Variants in SGSM3 observed in about 807,000 individuals in gnomAD.
The protein encoded by SGSM3 is RUN and SH3 containing 3.
Under a neutral mutation model 100.5 loss-of-function variants are expected in SGSM3, and 96 were observed. The observed-to-expected ratio is 0.96, with a 90% CI of 0.81 to 1.13. The LOEUF is 1.13. SGSM3 is among the 50% of genes most tolerant of loss of function. The pLI, the probability that SGSM3 is intolerant of heterozygous loss-of-function variation, is 0.00. For missense variants in SGSM3, 1,001 were observed against 1,015.8 expected, an observed-to-expected ratio of 0.99 and a Z score of 0.20; for synonymous variants, 483 against 422.8, an observed-to-expected ratio of 1.14 and a Z score of -1.75.
At position 40,407,638 on chromosome 22, in the gene SGSM3, C is replaced by T; in HGVS notation, c.1524+70C>T. The T allele has an allele frequency of 6.3e-7, 1 of 1,578,964 alleles. No individual in the cohort carries two copies. The highest frequency in any genetic ancestry group is 8.6e-7 in the Non-Finnish European group (1 of 1,162,860). Reference sequence around the variant, plus strand: ...TTCCCCAGACTCCCTCCACCAAGCCCCACCCCAACCCCTTTCCCTGCCAAG... The same window carrying T: ...TTCCCCAGACTCCCTCCACCAAGCCTCACCCCAACCCCTTTCCCTGCCAAG... On this transcript the variant is annotated intron_variant, in intron 13 of 21. Transcript: ENST00000248929. The surrounding 1 kb of genome is among the most constrained non-coding windows in gnomAD (Gnocchi z 4.7).
At chr22:40,397,770 C>A (rs1433045718) in intron 1 of SGSM3, among the ~76,000 whole-genome samples, 1 of 152,188 alleles carries the variant, frequency 6.6e-6, no homozygotes, top group Non-Finnish European at 1.5e-5. Flanking sequence ...CCTGGATCTC[C>A]TTTCCCTCAG....
At chr22:40,405,325 C>A in intron 7 of SGSM3, 41 bp downstream of exon 7, 3 of 1,440,158 alleles carry the variant, frequency 2.1e-6, no homozygotes, top group Admixed American at 2.6e-5. Flanking sequence ...GCCCCAGGAC[C>A]CCCTCCAGGA....
At chr22:40,386,114 A>G (rs1479828972) in intron 1 of SGSM3, among the ~76,000 whole-genome samples, 1 of 151,704 alleles carries the variant, frequency 6.6e-6, no homozygotes, top group Non-Finnish European at 1.5e-5. Context: ...TCCTGCACTC[A>G]AGCAATCCAT....
chr22:40,398,103 G>A (rs1353062331), intron 1 of SGSM3, among the ~76,000 whole-genome samples: 3 of 151,802 alleles, frequency 2.0e-5, no homozygotes. Flanking sequence ...GAGTAGCTGG[G>A]ACTACAGGCA....
Position 40,408,789 on chromosome 22 carries a change from C to CT in SGSM3, c.1854-4dup. ...GGCACCCCAGGAGCTTTGGTGTCCC[C>CT]TCAGGTTGGATGAAGATGGCAAAGT... is the stretch of plus-strand genomic sequence containing the variant. On this transcript the variant is annotated splice_region_variant and splice_polypyrimidine_tract_variant and intron_variant, in intron 17 of 21. Transcript: ENST00000248929. 6.2e-7 allele frequency: 1 copy of CT among 1,613,804 alleles called. No homozygotes were observed. The highest frequency in any genetic ancestry group is 1.1e-5 in the South Asian group (1 of 91,088).
intron 1 of SGSM3, among the ~76,000 whole-genome samples, chr22:40,399,635 A>G (rs953359217): frequency 2.0e-5 from 3 of 152,246 alleles, no homozygotes; most frequent in African/African-American, 7.2e-5. Context: ...AGTCTCTTTA[A>G]TGTAAAAATA....
chr22:40,392,494 A>G (rs2049491649), intron 1 of SGSM3, among the ~76,000 whole-genome samples: 1 of 152,128 alleles, frequency 6.6e-6, no homozygotes, highest in South Asian at 2.1e-4. Context: ...ATAAGCATTA[A>G]ATCTCAGCAG....
At chr22:40,379,700 G>A (rs141921755) in intron 1 of SGSM3, among the ~76,000 whole-genome samples, 1 of 152,082 alleles carries the variant, frequency 6.6e-6, no homozygotes, top group African/African-American at 2.4e-5. Flanking sequence ...AACTTTGGTA[G>A]TATTTGTGGT....
At chr22:40,400,906 T>A in intron 2 of SGSM3, 93 bp downstream of exon 2, 1 of 1,260,422 alleles carries the variant, frequency 7.9e-7, no homozygotes, top group African/African-American at 1.5e-5. Flanking sequence ...TAAAACACCA[T>A]CCAGATAAGA....
At chr22:40,388,889 C>T (rs563012054) in intron 1 of SGSM3, among the ~76,000 whole-genome samples, 2 of 152,232 alleles carry the variant, frequency 1.3e-5, no homozygotes, top group African/African-American at 4.8e-5. Context: ...GCAACGGGAC[C>T]ACTGAAGGGG....
chr22:40,407,521 C>A lies in SGSM3; in HGVS notation c.1477C>A (p.Arg493=), dbSNP rs756008468. The change falls in exon 13 of 22, where the codon CGG becomes AGG. Residue 493 remains arginine, a synonymous_variant. Transcript: ENST00000248929. This position sits in a 1 kb window ranked among gnomAD's most constrained non-coding sequence, Gnocchi z 4.7. ...RRAKALLDFE[R]HDDDELGFRK... is the part of the protein sequence containing the mutation. ...AGCCAAGGCCCTGCTGGACTTTGAG[C>A]GGCACGACGACGACGAGCTGGGCTT... 6.2e-6 allele frequency: 10 copies of A among 1,608,404 alleles called. No homozygotes were observed. In the South Asian group the frequency reaches 9.9e-5, roughly 16 times the overall value.
intron 1 of SGSM3, chr22:40,376,531 AATTAGTGCT>A (rs2046633948): frequency 6.6e-6 from 1 of 152,158 alleles, no homozygotes; most frequent in South Asian, 2.1e-4. Context: ...AAAATGGAAT[AATTAGTGCT>A]ACTCATAGTA....
At chr22:40,373,669 G>T (rs1326954005) in intron 1 of SGSM3, 1 of 152,260 alleles carries the variant, frequency 6.6e-6, no homozygotes, top group East Asian at 1.9e-4. Flanking sequence ...AGGCTAGAGT[G>T]CAGTGGGGCA....
chr22:40,392,288 T>C (rs954133601), intron 1 of SGSM3, among the ~76,000 whole-genome samples: 2 of 151,930 alleles, frequency 1.3e-5, no homozygotes, highest in African/African-American at 4.8e-5. Context: ...TTAGAGGAAC[T>C]TGAAAAATTA....
At chr22:40,394,430 G>A (rs1048285777) in intron 1 of SGSM3, among the ~76,000 whole-genome samples, 1 of 151,998 alleles carries the variant, frequency 6.6e-6, no homozygotes, top group Admixed American at 6.6e-5. Context: ...GGTGGATCAC[G>A]AGGTCAGGAG....
In SGSM3 at chr22:40,408,924, C is replaced by T. The variant is rs200852755; in HGVS notation, c.1903-9C>T. 755 of 1,613,256 alleles carry T rather than the reference C, an allele frequency of 4.7e-4. 2 individuals are homozygous for T. The highest frequency in any genetic ancestry group is 1.4e-3 in the South Asian group (124 of 91,022). On this transcript the variant is annotated splice_polypyrimidine_tract_variant and intron_variant, in intron 18 of 21. Coordinates refer to ENST00000248929, the MANE Select transcript of SGSM3 (RefSeq NM_015705.6). ...GAGCCTGAGTGACAGCTGACGGTGCCGTTCCCAGGCTGTGCAGTCTGTGAA... is the reference window on the plus strand; with the variant it reads ...GAGCCTGAGTGACAGCTGACGGTGCTGTTCCCAGGCTGTGCAGTCTGTGAA...
chr22:40,396,233 A>C (rs535159307), intron 1 of SGSM3, among the ~76,000 whole-genome samples: 1 of 152,114 alleles, frequency 6.6e-6, no homozygotes, highest in African/African-American at 2.4e-5. Flanking sequence ...CGATAGCTTC[A>C]AGTGTCCTCT....
Position 40,408,781 on chromosome 22 carries a change from G to C in SGSM3, c.1854-13G>C, listed in dbSNP as rs201056719. 9.5e-5 allele frequency: 153 copies of C among 1,613,690 alleles called. No individual in the cohort carries two copies. The highest frequency in any genetic ancestry group is 1.2e-4 in the Non-Finnish European group (144 of 1,180,020). ...CCAGCCCCGGCACCCCAGGAGCTTT[G>C]GTGTCCCCTCAGGTTGGATGAAGAT... On this transcript the variant is annotated splice_polypyrimidine_tract_variant and intron_variant, in intron 17 of 21. Coordinates refer to ENST00000248929, the MANE Select transcript of SGSM3 (RefSeq NM_015705.6).
At chr22:40,379,155 A>G (rs2047146056) in intron 1 of SGSM3, among the ~76,000 whole-genome samples, 1 of 152,180 alleles carries the variant, frequency 6.6e-6, no homozygotes, top group African/African-American at 2.4e-5. Flanking sequence ...CCCCTCTAGA[A>G]TGCTGGGACT....
Sources: gnomAD v4.1 joint callset for allele counts (sites outside exome capture counted in the v4.1 genomes callset) on GRCh38, gnomAD v4.1.1 for gene constraint, Gnocchi (gnomAD v3.1) non-coding constraint, MANE v1.5 for transcripts, NCBI Gene and HGNC (gene_info 2026-07-23, HGNC 2026-07-21) for gene names.